The following OASL variants were observed in gnomAD, a reference collection of about 807,000 sequenced individuals.
OASL encodes the protein 2'-5'-oligoadenylate synthase-like protein.
A neutral mutation model predicts 35.3 loss-of-function variants in OASL; 28 were observed. The ratio of observed to expected loss-of-function variants is 0.79; its 90% confidence interval spans 0.59 to 1.09. The LOEUF (loss-of-function observed/expected upper bound fraction) is 1.09, where lower values mean the gene tolerates loss of function less well. OASL is among the 50% of genes least tolerant of loss of function. The pLI, the probability that OASL is intolerant of heterozygous loss-of-function variation, is 0.00. For synonymous variants in OASL, 252 were observed against 254.6 expected, an observed-to-expected ratio of 0.99 and a Z score of 0.10; for missense variants, 620 against 635.2, an observed-to-expected ratio of 0.98 and a Z score of 0.26.
downstream of OASL, among the ~76,000 whole-genome samples, chr12:121,018,238 T>G (rs2135896623): frequency 6.6e-6 from 1 of 152,186 alleles, no homozygotes; most frequent in South Asian, 2.1e-4. Context: ...GGGCTGAGGC[T>G]TAAAATGGCG....
intron 3 of OASL, among the ~76,000 whole-genome samples, chr12:121,030,632 C>A (rs965183001): frequency 6.6e-6 from 1 of 152,052 alleles, no homozygotes; most frequent in Non-Finnish European, 1.5e-5. Flanking sequence ...TCCGTTATCT[C>A]GGAGGAAGAT....
At chr12:121,021,152 T>TAGCAGCAGC in intron 5 of OASL, 94 bp from the exon 6 acceptor site, 1 of 1,311,992 alleles carries the variant, frequency 7.6e-7, no homozygotes, top group Non-Finnish European at 1.0e-6. Flanking sequence ...TTTACAATAG[T>TAGCAGCAGC]AGCAGCAGCA....
intron 2 of OASL, among the ~76,000 whole-genome samples, chr12:121,032,594 C>T (rs1869779866): frequency 6.6e-6 from 1 of 152,164 alleles, no homozygotes; most frequent in Non-Finnish European, 1.5e-5. Flanking sequence ...ACATGAAGCT[C>T]AGGGTGGTGA....
chr12:121,021,160 G>C (rs1248132417), intron 5 of OASL, 102 bp from the exon 6 acceptor site: 7 of 1,211,242 alleles, frequency 5.8e-6, no homozygotes, highest in East Asian at 2.5e-5. Flanking sequence ...AGTAGCAGCA[G>C]CAGCGGCAGC....
chr12:121,022,271 G>C (rs1242233021), intron 5 of OASL, among the ~76,000 whole-genome samples: 1 of 152,048 alleles, frequency 6.6e-6, no homozygotes, highest in African/African-American at 2.4e-5. Flanking sequence ...ATTTTTAGTA[G>C]AGATGAGGTT....
chr12:121,021,776 A>C (rs1869247771), intron 5 of OASL, among the ~76,000 whole-genome samples: 1 of 152,200 alleles, frequency 6.6e-6, no homozygotes, highest in Non-Finnish European at 1.5e-5. Context: ...GCACCACTGC[A>C]CTCCAGCCTG....
chr12:121,031,747 C>A, intron 2 of OASL, 130 bp from the exon 3 acceptor site: 1 of 685,186 alleles, frequency 1.5e-6, no homozygotes, highest in Non-Finnish European at 2.4e-6. Context: ...CTCATATCTT[C>A]AGAAACCAAA....
At chr12:121,022,504 G>C (rs868458860) in intron 5 of OASL, among the ~76,000 whole-genome samples, 17 of 152,184 alleles carry the variant, frequency 1.1e-4, no homozygotes, top group African/African-American at 3.9e-4. Flanking sequence ...ACAGGCGTGC[G>C]CCACTGCCCC....
intron 2 of OASL, among the ~76,000 whole-genome samples, chr12:121,032,207 T>C (rs1420367530): frequency 6.6e-6 from 1 of 151,572 alleles, no homozygotes; most frequent in Admixed American, 6.6e-5. Flanking sequence ...AATATATATA[T>C]ATATAAACTC....
exon 6 of OASL, chr12:121,020,596 T>G: frequency 6.2e-7 from 1 of 1,608,212 alleles, no homozygotes; most frequent in Non-Finnish European, 8.5e-7. Context: ...CCTTTCTTCT[T>G]CGAGAGGATG....
rs769065053 is a variant in OASL at position 121,033,665 on chromosome 12, T to C, written c.277A>G (p.Ser93Gly). Residue 93 changes from serine to glycine, a missense_variant, in exon 2 of 6, where the codon AGC becomes GGC. Coordinates refer to ENST00000257570, the Ensembl canonical transcript of OASL. ...TGATGCTTGGCTGCCTCCTGGAAGC[T>C]GTGGAAACAGCTCAGAAACGCCACC... 6.1e-5 allele frequency: 98 copies of C among 1,614,052 alleles called. No individual in the cohort carries two copies. In the East Asian group the frequency reaches 1.9e-3, roughly 31 times the overall value.
chr12:121,020,824 C>G (rs747398656), exon 6 of OASL: 2 of 1,614,170 alleles, frequency 1.2e-6, no homozygotes, highest in Non-Finnish European at 8.5e-7. Flanking sequence ...GGGATGGTCT[C>G]CAGCAGATAG....
rs534075399 is a variant in OASL at position 121,036,224 on chromosome 12, A to G, written c.199-2481T>C. 5.3e-5 allele frequency among the ~76,000 whole-genome samples: 8 copies of G among 152,344 alleles called. 1 individual carries two copies. The South Asian group carries it at 1.7e-3, about 32-fold the overall frequency. On this transcript the variant is annotated intron_variant, in intron 1 of 5. Coordinates refer to ENST00000257570, the Ensembl canonical transcript of OASL. ...CAGGCAGAGAGAAAAGAACACATCC[A>G]GAACAGGCTTCCTGATTTGCTTCAG...
At chr12:121,021,521 T>C (rs1869235698) in intron 5 of OASL, among the ~76,000 whole-genome samples, 1 of 152,214 alleles carries the variant, frequency 6.6e-6, no homozygotes, top group Non-Finnish European at 1.5e-5. Context: ...AGAAGAAATA[T>C]AAGCCTTGGC....
At chr12:121,022,598 C>T (rs1212263742) in intron 5 of OASL, among the ~76,000 whole-genome samples, 2 of 152,186 alleles carry the variant, frequency 1.3e-5, no homozygotes, top group Middle Eastern at 3.2e-3. Context: ...ATTTGGCCAG[C>T]GGGTCCCCCC....
Position 121,030,268 on chromosome 12 carries a change from G to C in OASL, c.657+1174C>G, listed in dbSNP as rs188935071. 3.9e-5 allele frequency among the ~76,000 whole-genome samples: 6 copies of C among 152,128 alleles called. 1 individual carries two copies. The highest frequency in any genetic ancestry group is 1.2e-4 in the African/African-American group (5 of 41,494). On this transcript the variant is annotated intron_variant, in intron 3 of 5. Transcript: ENST00000257570. ...TGCCCAGGCTGGAGTACAGTGGCGC[G>C]ATCTCGGCTCACTGCAAGCTCCGCC...
At chr12:121,017,942 T>G (rs765993228), downstream of OASL, among the ~76,000 whole-genome samples, 5 of 152,234 alleles carry the variant, frequency 3.3e-5, no homozygotes, top group Non-Finnish European at 7.3e-5. Context: ...TGGCTTTAGC[T>G]TATTGTGGAG....
intron 1 of OASL, among the ~76,000 whole-genome samples, chr12:121,035,870 CTTTT>C (rs1565907790): frequency 6.6e-6 from 1 of 152,026 alleles, no homozygotes; most frequent in Non-Finnish European, 1.5e-5. Flanking sequence ...ACTTCCCTTT[CTTTT>C]TGAGACAGGG....
At chr12:121,020,999 G>A (rs749279251) in exon 6 of OASL, 147 of 1,612,854 alleles carry the variant, frequency 9.1e-5, no homozygotes, top group Non-Finnish European at 1.2e-4. Flanking sequence ...AAGGGTTCAC[G>A]ATGAGGTTGA....
Sources: gnomAD v4.1 joint callset for allele counts (sites outside exome capture counted in the v4.1 genomes callset) on GRCh38, gnomAD v4.1.1 for gene constraint, MANE v1.5 for transcripts, NCBI Gene and HGNC (gene_info 2026-07-23, HGNC 2026-07-21) for gene names.